Variants in TRIO observed in about 807,000 individuals in gnomAD.
The protein encoded by TRIO is triple functional domain protein.
A neutral mutation model predicts 351.9 loss-of-function variants in TRIO; 58 were observed. That is an observed-to-expected ratio of 0.16 (90% confidence interval 0.13 to 0.21). The LOEUF is 0.21. Ranked by LOEUF, TRIO falls within the 10% of genes least tolerant of loss-of-function variation. The pLI is 1.00. For missense variants in TRIO, 3,201 were observed against 4,027.8 expected (o/e 0.79, Z 5.56); for synonymous variants, 1,758 against 1,595.7 (o/e 1.10, Z -2.42).
At chr5:14,448,846 A>G (rs1293033368) in intron 34 of TRIO, among the ~76,000 whole-genome samples, 1 of 152,090 alleles carries the variant, frequency 6.6e-6, no homozygotes, top group Non-Finnish European at 1.5e-5. Context: ...CCCTCCCAGT[A>G]ATCACTGGTA....
At chr5:14,371,421 C>A (rs1258115139) in intron 18 of TRIO, among the ~76,000 whole-genome samples, 1 of 152,046 alleles carries the variant, frequency 6.6e-6, no homozygotes, top group East Asian at 1.9e-4. Flanking sequence ...CTATTTTACT[C>A]CTTACCCAAC....
chr5:14,173,794 A>C (rs1789248159), intron 1 of TRIO, among the ~76,000 whole-genome samples: 1 of 152,232 alleles, frequency 6.6e-6, no homozygotes, highest in Non-Finnish European at 1.5e-5. Context: ...AAAAGCAGTA[A>C]CAGTGATAGA....
At chr5:14,418,537 C>T (rs1277377613) in intron 33 of TRIO, among the ~76,000 whole-genome samples, 1 of 152,024 alleles carries the variant, frequency 6.6e-6, no homozygotes, top group Non-Finnish European at 1.5e-5. Flanking sequence ...GATACTGTTA[C>T]CCAAAAGACA....
chr5:14,152,877 A>T (rs923590927), intron 1 of TRIO, among the ~76,000 whole-genome samples: 10 of 152,328 alleles, frequency 6.6e-5, no homozygotes, highest in Admixed American at 4.6e-4. Context: ...CTGTAGAGTC[A>T]TTTAGTGCCA....
At chr5:14,359,839 C>G (rs1743978700) in intron 13 of TRIO, among the ~76,000 whole-genome samples, 1 of 152,226 alleles carries the variant, frequency 6.6e-6, no homozygotes, top group Non-Finnish European at 1.5e-5. Context: ...ACAGCTTTCT[C>G]TCGGCCTTGG....
Position 14,278,541 on chromosome 5 carries a change from A to T in TRIO, c.233-1781A>T, listed in dbSNP as rs139066314. Reference sequence around the variant, plus strand: ...AGGGGAATGTTTTAATTTAAATAATAGGTACTGTATTTTTAATAATTCAAG... The same window carrying T: ...AGGGGAATGTTTTAATTTAAATAATTGGTACTGTATTTTTAATAATTCAAG... On this transcript the variant is annotated intron_variant, in intron 2 of 56. Transcript: ENST00000344204. Among the ~76,000 whole-genome samples the T allele has an allele frequency of 6.5e-3, 994 of 152,356 alleles. 11 individuals carry two copies. Among genetic ancestry groups the T allele is most frequent in the Admixed American group, 0.025 (384 of 15,300 alleles).
intron 1 of TRIO, among the ~76,000 whole-genome samples, chr5:14,244,085 A>G (rs985013943): frequency 2.0e-5 from 3 of 152,324 alleles, no homozygotes; most frequent in South Asian, 2.1e-4. Context: ...AAAATAAGGA[A>G]AGTAAAACAT....
chr5:14,236,347 C>G (rs1209096135), intron 1 of TRIO, among the ~76,000 whole-genome samples: 1 of 152,108 alleles, frequency 6.6e-6, no homozygotes, highest in Non-Finnish European at 1.5e-5. Context: ...TTTTTCAGGG[C>G]TTAGTCTTAC....
chr5:14,143,946 G>C, intron 1 of TRIO, 64 bp downstream of exon 1: 1 of 1,021,038 alleles, frequency 9.8e-7, no homozygotes, highest in African/African-American at 1.7e-5. Flanking sequence ...GACCCGCCGC[G>C]GAGCTGCCGA....
chr5:14,374,389 G>T (rs1459590494), intron 19 of TRIO, 46 bp downstream of exon 19: 7 of 1,492,954 alleles, frequency 4.7e-6, no homozygotes, highest in South Asian at 1.2e-5. Context: ...TGCATGCCTG[G>T]CAAGAGACAA....
intron 37 of TRIO, among the ~76,000 whole-genome samples, chr5:14,469,768 T>C (rs1351498350): frequency 6.6e-6 from 1 of 152,224 alleles, no homozygotes; most frequent in Non-Finnish European, 1.5e-5. Flanking sequence ...CCGAGGGGCC[T>C]GGGGACTCCA....
At chr5:14,433,443 A>C (rs1380445485) in intron 34 of TRIO, among the ~76,000 whole-genome samples, 1 of 152,240 alleles carries the variant, frequency 6.6e-6, no homozygotes, top group Non-Finnish European at 1.5e-5. Flanking sequence ...ATCTTTGTGC[A>C]TGGAACCTGA....
chr5:14,348,031 A>T (rs554278484), intron 11 of TRIO, among the ~76,000 whole-genome samples: 8 of 152,360 alleles, frequency 5.3e-5, no homozygotes, highest in African/African-American at 1.7e-4. Context: ...CAATGCTGTC[A>T]TGCCCCCAAA....
chr5:14,184,327 T>TC (rs371983510), intron 1 of TRIO, among the ~76,000 whole-genome samples: 313 of 152,360 alleles, frequency 2.1e-3, no homozygotes, highest in African/African-American at 7.3e-3. Flanking sequence ...CAGTGATGTG[T>TC]CCCAAGGCTG....
intron 1 of TRIO, among the ~76,000 whole-genome samples, chr5:14,150,395 T>C (rs1787758552): frequency 6.6e-6 from 1 of 152,030 alleles, no homozygotes; most frequent in African/African-American, 2.4e-5. Flanking sequence ...TTACATGTGT[T>C]AAAATTCACA....
At chr5:14,180,912 G>A (rs1453275428) in intron 1 of TRIO, among the ~76,000 whole-genome samples, 1 of 151,980 alleles carries the variant, frequency 6.6e-6, no homozygotes, top group Non-Finnish European at 1.5e-5. Context: ...TATGATTTGA[G>A]TTGGCTTATT....
chr5:14,263,110 AG>A (rs1795457792), intron 1 of TRIO, among the ~76,000 whole-genome samples: 1 of 152,160 alleles, frequency 6.6e-6, no homozygotes, highest in African/African-American at 2.4e-5. Context: ...TTTATTTGAT[AG>A]GACATCTTCT....
intron 1 of TRIO, among the ~76,000 whole-genome samples, chr5:14,146,232 G>A (rs1380763736): frequency 6.6e-6 from 1 of 152,152 alleles, no homozygotes; most frequent in African/African-American, 2.4e-5. Context: ...CAAGGAAGCT[G>A]AGGAGAATGG....
At chr5:14,335,183 C>T (rs746655424) in intron 10 of TRIO, among the ~76,000 whole-genome samples, 6 of 152,204 alleles carry the variant, frequency 3.9e-5, no homozygotes, top group Non-Finnish European at 5.9e-5. Flanking sequence ...ATAGAGAAAC[C>T]TGGCTCCCAT....
Sources: allele counts gnomAD v4.1 joint callset (sites outside exome capture counted in the v4.1 genomes callset), GRCh38; gene constraint gnomAD v4.1.1; transcripts MANE v1.5; gene names NCBI Gene and HGNC (gene_info 2026-07-23, HGNC 2026-07-21).